Variants in DNM3 observed in about 807,000 individuals in gnomAD.
DNM3 encodes dynamin 3.
Under a neutral mutation model 101.6 loss-of-function variants are expected in DNM3, and 47 were observed. The ratio of observed to expected loss-of-function variants is 0.46; its 90% CI spans 0.37 to 0.59. The LOEUF is 0.59. Among genes scored for constraint, DNM3 ranks in the 20% least tolerant of loss-of-function variants. The pLI, the probability that DNM3 is intolerant of heterozygous loss-of-function variation, is 0.00. For missense variants in DNM3, 849 were observed against 1,085.7 expected (o/e 0.78, Z 3.06); for synonymous variants, 385 against 387.9 (o/e 0.99, Z 0.09).
chr1:172,341,596 T>C (rs960035051), intron 17 of DNM3, among the ~76,000 whole-genome samples: 3 of 152,172 alleles, frequency 2.0e-5, no homozygotes, highest in African/African-American at 7.2e-5. Context: ...CCTTCAGCCA[T>C]CTAATTTTCA....
At chr1:172,254,349 C>G (rs2062314837) in intron 15 of DNM3, among the ~76,000 whole-genome samples, 1 of 152,168 alleles carries the variant, frequency 6.6e-6, no homozygotes, top group African/African-American at 2.4e-5. Flanking sequence ...ATGGATATCA[C>G]TTAAGCTCTT....
chr1:172,123,391 C>G (rs2056433501), intron 13 of DNM3, among the ~76,000 whole-genome samples: 1 of 152,180 alleles, frequency 6.6e-6, no homozygotes, highest in African/African-American at 2.4e-5. Context: ...ACAAGTCACA[C>G]CTGGGCATAT....
intron 16 of DNM3, among the ~76,000 whole-genome samples, chr1:172,313,532 G>T (rs1318991454): frequency 1.3e-5 from 2 of 152,128 alleles, no homozygotes; most frequent in East Asian, 3.8e-4. Context: ...GAAACATAAT[G>T]TGTGCCATGG....
chr1:172,305,229 C>T (rs904617587), intron 15 of DNM3, among the ~76,000 whole-genome samples: 1 of 152,084 alleles, frequency 6.6e-6, no homozygotes, highest in Non-Finnish European at 1.5e-5. Flanking sequence ...GAAATACAAA[C>T]TACCACCAGA....
chr1:172,209,312 C>T (rs2060431026), intron 14 of DNM3, among the ~76,000 whole-genome samples: 1 of 151,978 alleles, frequency 6.6e-6, no homozygotes, highest in South Asian at 2.1e-4. Flanking sequence ...TGATCTTGGA[C>T]TTCTAGCCTT....
intron 14 of DNM3, among the ~76,000 whole-genome samples, chr1:172,169,699 C>G (rs2058878633): frequency 1.3e-5 from 2 of 151,694 alleles, no homozygotes; most frequent in African/African-American, 4.8e-5. Flanking sequence ...ACTTCATGAA[C>G]AAGATTGACT....
chr1:172,046,335 C>T (rs148883111), intron 9 of DNM3, among the ~76,000 whole-genome samples: 28 of 152,162 alleles, frequency 1.8e-4, no homozygotes, highest in African/African-American at 5.8e-4. Flanking sequence ...TGTTCTCACT[C>T]ATAGATGGGA....
chr1:172,361,632 C>T lies in DNM3; in HGVS notation c.1894-17386C>T, dbSNP rs1039207645. ...GCCCAGGTATCAATAGTCTTTAAAG[C>T]CATCCCAGGTAATTCTCCCAGCAGC... On this transcript the variant is annotated intron_variant, in intron 17 of 20. Transcript: ENST00000627582. 6.9e-4 allele frequency among the ~76,000 whole-genome samples: 105 copies of T among 151,892 alleles called. 1 individual carries two copies. The highest frequency in any genetic ancestry group is 2.1e-4 in the Non-Finnish European group (14 of 67,926).
At chr1:171,866,543 A>G (rs2034765420) in intron 1 of DNM3, among the ~76,000 whole-genome samples, 2 of 152,106 alleles carry the variant, frequency 1.3e-5, no homozygotes, top group Admixed American at 1.3e-4. Context: ...GGTTCCAAAG[A>G]TGAGGATAAT....
intron 14 of DNM3, chr1:172,138,768 CT>C: frequency 5.3e-6 from 2 of 376,396 alleles, no homozygotes; most frequent in South Asian, 2.1e-5. Context: ...GGTGTGAGGG[CT>C]GCTTTCTTTC....
At chr1:172,156,296 A>T (rs1183549782) in intron 14 of DNM3, among the ~76,000 whole-genome samples, 1 of 152,056 alleles carries the variant, frequency 6.6e-6, no homozygotes, top group Non-Finnish European at 1.5e-5. Context: ...AGCCTTCATC[A>T]GTTTTATTGT....
At chr1:172,274,993 C>T (rs1573245831) in intron 15 of DNM3, among the ~76,000 whole-genome samples, 2 of 152,092 alleles carry the variant, frequency 1.3e-5, no homozygotes, top group South Asian at 2.1e-4. Context: ...AGTTCTGGGA[C>T]CTGAAGCAAT....
rs2071035022 is a variant in DNM3 at position 172,408,337 on chromosome 1, T to C, written c.*496T>C. 1 of 986,592 alleles carries C rather than the reference T, an allele frequency of 1.0e-6. No homozygotes were observed. Among genetic ancestry groups the C allele is most frequent in the African/African-American group, 1.7e-5 (1 of 57,364 alleles). 61.1% of individuals were successfully genotyped at this position (986,592 alleles called of 1,614,324 possible). On this transcript the variant is annotated 3_prime_UTR_variant, in exon 21 of 21. Transcript: ENST00000627582. ...ATTTAGCTCCTCTTTTCTTCCTTTTTATTTCATAAGACTGCTAGGAAGTGA... is the reference window on the plus strand; with the variant it reads ...ATTTAGCTCCTCTTTTCTTCCTTTTCATTTCATAAGACTGCTAGGAAGTGA...
At chr1:172,309,111 GTTTGT>G in intron 16 of DNM3, 1 of 345,470 alleles carries the variant, frequency 2.9e-6, no homozygotes, top group Middle Eastern at 7.6e-4. Flanking sequence ...TCAAGACAAA[GTTTGT>G]TTTATTTCAA....
chr1:172,133,531 T>A, intron 14 of DNM3: 1 of 733,646 alleles, frequency 1.4e-6, no homozygotes, highest in Non-Finnish European at 1.7e-6. Context: ...TAGGAAAGGG[T>A]AGTTTCATCC....
chr1:171,990,664 A>G (rs1488047054), intron 4 of DNM3, among the ~76,000 whole-genome samples: 1 of 152,120 alleles, frequency 6.6e-6, no homozygotes, highest in Non-Finnish European at 1.5e-5. Flanking sequence ...AAGGGTAGCT[A>G]TGTGGGTGTG....
chr1:171,941,235 A>G (rs960862638), intron 2 of DNM3, among the ~76,000 whole-genome samples: 1 of 152,210 alleles, frequency 6.6e-6, no homozygotes, highest in Non-Finnish European at 1.5e-5. Context: ...TATGGTGAGC[A>G]TATGTTCAAA....
At chr1:172,294,009 T>C (rs537770149) in intron 15 of DNM3, among the ~76,000 whole-genome samples, 1 of 152,206 alleles carries the variant, frequency 6.6e-6, no homozygotes, top group Non-Finnish European at 1.5e-5. Flanking sequence ...TCCCCATACC[T>C]TTACATAGTA....
chr1:172,147,884 C>T (rs753981162), intron 14 of DNM3, among the ~76,000 whole-genome samples: 1 of 152,068 alleles, frequency 6.6e-6, no homozygotes, highest in Admixed American at 6.6e-5. Context: ...ATTCCTTTGA[C>T]TACTTTCTCA....
Sources: gnomAD v4.1 joint callset for allele counts (sites outside exome capture counted in the v4.1 genomes callset) on GRCh38, gnomAD v4.1.1 for gene constraint, MANE v1.5 for transcripts, NCBI Gene and HGNC (gene_info 2026-07-23, HGNC 2026-07-21) for gene names.